SUPT3H: variants seen among roughly 807,000 people sequenced by gnomAD.
SUPT3H encodes SPT3 homolog, SAGA and STAGA complex component.
SUPT3H carries 44 observed loss-of-function variants against 44.3 expected under a neutral mutation model. That is an observed-to-expected ratio of 0.99 (90% CI 0.78 to 1.28). SUPT3H has a LOEUF of 1.28. Among genes scored for constraint, SUPT3H ranks in the 50% most tolerant of loss-of-function variants. The probability of loss-of-function intolerance (pLI) is 0.00; values close to 1 mark genes in which losing one functional copy is unlikely to be tolerated. For missense variants in SUPT3H, 380 were observed against 387.1 expected (o/e 0.98, Z 0.15); for synonymous variants, 124 against 125.6 (o/e 0.99, Z 0.09).
chr6:44,945,611 C>G (rs1773212200), intron 9 of SUPT3H, among the ~76,000 whole-genome samples: 1 of 152,166 alleles, frequency 6.6e-6, no homozygotes, highest in South Asian at 2.1e-4. Flanking sequence ...TTCCTTAAGT[C>G]AAAGCCTAAT....
At chr6:44,947,405 T>A (rs1459668965) in intron 9 of SUPT3H, among the ~76,000 whole-genome samples, 1 of 152,146 alleles carries the variant, frequency 6.6e-6, no homozygotes, top group African/African-American at 2.4e-5. Flanking sequence ...GTACAGCATT[T>A]TCAGTAATAA....
At chr6:45,124,743 T>C (rs1483871914) in intron 2 of SUPT3H, among the ~76,000 whole-genome samples, 1 of 152,008 alleles carries the variant, frequency 6.6e-6, no homozygotes, top group South Asian at 2.1e-4. Flanking sequence ...AAAACTGTTA[T>C]AGGTTGAATT....
chr6:45,321,627 GC>G (rs976456230), intron 2 of SUPT3H, among the ~76,000 whole-genome samples: 5 of 152,066 alleles, frequency 3.3e-5, no homozygotes, highest in Non-Finnish European at 5.9e-5. Flanking sequence ...GAACTATGCA[GC>G]TCTACTTTCA....
intron 3 of SUPT3H, among the ~76,000 whole-genome samples, chr6:45,096,792 TTGAC>T (rs1797843143): frequency 6.6e-6 from 1 of 152,228 alleles, no homozygotes; most frequent in East Asian, 1.9e-4. Context: ...AAAATCTGTA[TTGAC>T]TAAGGGAGGT....
At chr6:45,367,642 A>T (rs1167545189) in intron 1 of SUPT3H, among the ~76,000 whole-genome samples, 2 of 152,192 alleles carry the variant, frequency 1.3e-5, no homozygotes, top group Non-Finnish European at 2.9e-5. Flanking sequence ...TGTTAAACTC[A>T]AAGAGTAAGT....
chr6:45,144,371 GATATATCACATA>G (rs1805696429), intron 2 of SUPT3H, among the ~76,000 whole-genome samples: 1 of 151,576 alleles, frequency 6.6e-6, no homozygotes, highest in African/African-American at 2.4e-5. Context: ...CAATAAATGT[GATATATCACATA>G]AACAGAATTT....
intron 2 of SUPT3H, among the ~76,000 whole-genome samples, chr6:45,347,154 T>C (rs961484348): frequency 6.6e-6 from 1 of 152,176 alleles, no homozygotes; most frequent in Non-Finnish European, 1.5e-5. Flanking sequence ...TTTACATGTA[T>C]CATATTAAGA....
intron 2 of SUPT3H, among the ~76,000 whole-genome samples, chr6:45,263,208 T>C (rs56175185): frequency 0.13 from 19,785 of 152,102 alleles, 1,530 homozygotes; most frequent in East Asian, 0.26. Flanking sequence ...GCAGGGTTCA[T>C]AACTGCAAAG....
At position 44,917,809 on chromosome 6, in the gene SUPT3H, T is replaced by C. The variant is rs139134412; in HGVS notation, c.912+14844A>G. Among the ~76,000 whole-genome samples, 8 of 152,290 alleles carry C rather than the reference T, an allele frequency of 5.3e-5. No homozygotes were observed. The East Asian group carries it at 1.3e-3, about 26-fold the overall frequency. On this transcript the variant is annotated intron_variant, in intron 10 of 10. Transcript: ENST00000371459. ...TTCCACACCATTTCCAGTACAATCA[T>C]GGAAATTTAAAAATACTCCTCTATC...
At chr6:44,901,024 G>A (rs970400443) in intron 10 of SUPT3H, among the ~76,000 whole-genome samples, 3 of 152,084 alleles carry the variant, frequency 2.0e-5, no homozygotes, top group African/African-American at 4.8e-5. Flanking sequence ...CCATCTATAC[G>A]TGACCATCAT....
rs201293342 is a variant in SUPT3H, at chr6:45,148,467, CT to C, written c.102-42462del. Among the ~76,000 whole-genome samples the C allele has an allele frequency of 3.8e-3, 573 of 152,264 alleles. 8 individuals carry two copies. Among genetic ancestry groups the C allele is most frequent in the African/African-American group, 0.013 (528 of 41,556 alleles). ...TGAGCATAACTCAGATTTCATTTTG[CT>C]TATGAGTGACTTCATCCATAAGAAA... On this transcript the variant is annotated intron_variant, in intron 2 of 10. Transcript: ENST00000371459.
chr6:45,314,352 T>G (rs1364644312), intron 2 of SUPT3H, among the ~76,000 whole-genome samples: 2 of 152,180 alleles, frequency 1.3e-5, no homozygotes, highest in African/African-American at 4.8e-5. Context: ...GAAGTCAGAC[T>G]GTTGCCGTTT....
chr6:44,849,149 C>T (rs1772404524), intron 10 of SUPT3H, among the ~76,000 whole-genome samples: 1 of 151,724 alleles, frequency 6.6e-6, no homozygotes, highest in South Asian at 2.1e-4. Flanking sequence ...TACAAACTTC[C>T]ACTTGTTTCT....
intron 2 of SUPT3H, among the ~76,000 whole-genome samples, chr6:45,320,742 G>A (rs1299505885): frequency 1.3e-5 from 2 of 152,188 alleles, no homozygotes; most frequent in East Asian, 3.9e-4. Flanking sequence ...TAGAAAAAGT[G>A]TGTCAATTCC....
At chr6:45,061,447 G>T (rs1237172519) in intron 3 of SUPT3H, among the ~76,000 whole-genome samples, 1 of 152,124 alleles carries the variant, frequency 6.6e-6, no homozygotes, top group African/African-American at 2.4e-5. Context: ...CTTTTAGAGG[G>T]GGCAGGGAGA....
intron 2 of SUPT3H, among the ~76,000 whole-genome samples, chr6:45,254,074 C>T (rs1488624362): frequency 6.6e-6 from 1 of 151,764 alleles, no homozygotes; most frequent in Non-Finnish European, 1.5e-5. Flanking sequence ...TATTTTATAT[C>T]TTTAAATGAG....
chr6:45,180,698 A>G (rs1345181031), intron 2 of SUPT3H, among the ~76,000 whole-genome samples: 1 of 152,108 alleles, frequency 6.6e-6, no homozygotes, highest in Non-Finnish European at 1.5e-5. Flanking sequence ...CCTTCCTTAC[A>G]CCTTATACAA....
intron 10 of SUPT3H, chr6:44,899,094 T>C (rs1764563432): frequency 6.6e-6 from 1 of 152,214 alleles, no homozygotes; most frequent in African/African-American, 2.4e-5. Flanking sequence ...TTTTACCAGG[T>C]TATGAGCTGG....
chr6:45,331,915 G>A (rs745735942), intron 2 of SUPT3H, among the ~76,000 whole-genome samples: 2 of 151,924 alleles, frequency 1.3e-5, no homozygotes, highest in Admixed American at 1.3e-4. Context: ...AGATAGAAAT[G>A]TTCCAGTTTG....
Sources: gnomAD v4.1 joint callset for allele counts (sites outside exome capture counted in the v4.1 genomes callset) on GRCh38, gnomAD v4.1.1 for gene constraint, MANE v1.5 for transcripts, NCBI Gene and HGNC (gene_info 2026-07-23, HGNC 2026-07-21) for gene names.